WAC: variants seen among roughly 807,000 people sequenced by gnomAD.
WAC encodes the protein WW domain-containing adapter protein with coiled-coil.
In WAC, 11 loss-of-function variants were observed where a neutral mutation model predicts 79.6. The ratio of observed to expected loss-of-function variants is 0.14; its 90% confidence interval spans 0.09 to 0.23. The LOEUF is 0.23. Among genes scored for constraint, WAC ranks in the 10% least tolerant of loss-of-function variants. The pLI, the probability that WAC is intolerant of heterozygous loss-of-function variation, is 1.00. For synonymous variants in WAC, 304 were observed against 276.9 expected (o/e 1.10, Z -0.97); for missense variants, 728 against 773.5 (o/e 0.94, Z 0.70).
At chr10:28,593,719 T>C (rs965730839) in intron 6 of WAC, among the ~76,000 whole-genome samples, 1 of 137,796 alleles carries the variant, frequency 7.3e-6, no homozygotes, top group African/African-American at 2.9e-5. Flanking sequence ...TGCACTCCAG[T>C]GAGACTCTCT....
intron 2 of WAC, among the ~76,000 whole-genome samples, chr10:28,534,585 AATC>A (rs1836512365): frequency 6.6e-6 from 1 of 152,346 alleles, no homozygotes; most frequent in East Asian, 1.9e-4. Flanking sequence ...GTACTTGGAT[AATC>A]ATTCTGATGT....
At chr10:28,611,947 G>A (rs772763682) in intron 10 of WAC, 25 bp downstream of exon 10, 26 of 1,597,862 alleles carry the variant, frequency 1.6e-5, no homozygotes, top group East Asian at 1.3e-4. Context: ...AGGGACATTC[G>A]GAAAAGAAAC....
At chr10:28,595,697 A>AT in intron 6 of WAC, 36 bp from the exon 7 acceptor site, 1 of 1,589,392 alleles carries the variant, frequency 6.3e-7, no homozygotes. Flanking sequence ...CCCTTCTGTC[A>AT]TTCCAACATC....
intron 2 of WAC, 151 bp from the exon 3 acceptor site, chr10:28,535,411 A>C: frequency 1.1e-6 from 1 of 929,572 alleles, no homozygotes; most frequent in Non-Finnish European, 1.5e-6. Context: ...TTGTCTGAGA[A>C]ACTTTAAAGA....
In WAC at chr10:28,616,190, C is replaced by T; in HGVS notation, c.1574C>T (p.Ser525Leu). Residue 525 changes from serine (S) to leucine (L), a missense_variant, in exon 12 of 14, where the codon TCA (serine) becomes TTA (leucine). Ser to Leu is a moderately radical substitution (Grantham distance 145). Coordinates refer to ENST00000354911, the MANE Select transcript of WAC (RefSeq NM_016628.5). Reference sequence around the variant, plus strand: ...TTTTCTAGTAGCCAGAGAAGTCCATCACCTGGTCCCAATCATACTTCTAAT... The same window carrying T: ...TTTTCTAGTAGCCAGAGAAGTCCATTACCTGGTCCCAATCATACTTCTAAT... ...LQRSSSQRSP[S>L]PGPNHTSNSS... is the part of the protein sequence containing the mutation. The T allele has an allele frequency of 6.2e-7, 1 of 1,600,842 alleles. No individual in the cohort carries two copies. Among genetic ancestry groups the T allele is most frequent in the Non-Finnish European group, 8.5e-7 (1 of 1,171,544 alleles).
At chr10:28,596,172 G>A (rs1840353754) in intron 7 of WAC, 131 bp downstream of exon 7, 1 of 990,778 alleles carries the variant, frequency 1.0e-6, no homozygotes, top group East Asian at 2.7e-5. Flanking sequence ...GAATGTTTCT[G>A]TGTAGAGTTA....
chr10:28,579,105 T>C (rs1213402329), intron 3 of WAC, among the ~76,000 whole-genome samples: 2 of 152,166 alleles, frequency 1.3e-5, no homozygotes, highest in African/African-American at 4.8e-5. Context: ...GAGGTTGGTT[T>C]AAATGTACAA....
At chr10:28,597,277 A>C (rs1840426870) in intron 7 of WAC, among the ~76,000 whole-genome samples, 1 of 152,194 alleles carries the variant, frequency 6.6e-6, no homozygotes, top group Non-Finnish European at 1.5e-5. Context: ...ATATTGAGAG[A>C]TGAAATCTGA....
At chr10:28,548,154 C>T (rs560654561) in intron 3 of WAC, among the ~76,000 whole-genome samples, 4 of 151,908 alleles carry the variant, frequency 2.6e-5, no homozygotes, top group Non-Finnish European at 5.9e-5. Context: ...AACTCCTTAC[C>T]TCAGGTGATC....
intron 3 of WAC, among the ~76,000 whole-genome samples, chr10:28,543,507 A>G (rs1363977393): frequency 6.6e-6 from 1 of 152,236 alleles, no homozygotes; most frequent in Non-Finnish European, 1.5e-5. Flanking sequence ...CATGTGAATG[A>G]TGGTTATTGA....
chr10:28,580,395 A>C (rs1839472765), intron 3 of WAC, among the ~76,000 whole-genome samples: 1 of 152,234 alleles, frequency 6.6e-6, no homozygotes, highest in Non-Finnish European at 1.5e-5. Flanking sequence ...GAGAGAGGTC[A>C]ATAGACCTCA....
chr10:28,613,234 G>A (rs1217232112), intron 10 of WAC, among the ~76,000 whole-genome samples: 2 of 152,214 alleles, frequency 1.3e-5, no homozygotes, highest in East Asian at 3.8e-4. Flanking sequence ...GGGTGTGCTG[G>A]CACAGACCTA....
In WAC at chr10:28,608,248, T is replaced by A; in HGVS notation, c.982T>A (p.Ser328Thr). The change falls in exon 8 of 14, where the codon TCT becomes ACT. Residue 328 changes from serine to threonine, a missense_variant. Physicochemically the swap from Ser to Thr is moderately conservative, Grantham distance 58. Around this residue, in one of 3 missense-constraint regions of WAC, gnomAD observed 648 missense variants for 661.5 expected, o/e 0.98. Transcript: ENST00000354911. The part of the protein sequence containing the change: ...SCTTPSTSSA[S>T]GLNPTSAPPT... ...CACAACTCCTTCCACGTCTTCTGCC[T>A]CTGGACTGAACCCCACATCTGCACC... is the stretch of plus-strand genomic sequence containing the variant. 1.9e-6 allele frequency: 3 copies of A among 1,614,190 alleles called. No individual in the cohort carries two copies. In the South Asian group the frequency reaches 3.3e-5, roughly 18 times the overall value.
At chr10:28,562,707 C>G (rs1009322811) in intron 3 of WAC, among the ~76,000 whole-genome samples, 1 of 152,164 alleles carries the variant, frequency 6.6e-6, no homozygotes, top group Non-Finnish European at 1.5e-5. Flanking sequence ...AAACTAATTA[C>G]ATTATGGCTA....
chr10:28,579,171 T>A (rs1001020890), intron 3 of WAC, among the ~76,000 whole-genome samples: 3 of 150,620 alleles, frequency 2.0e-5, no homozygotes, highest in Admixed American at 6.6e-5. Flanking sequence ...CTTGGGTAGA[T>A]GAATTTTTTT....
chr10:28,541,673 C>T (rs1837059505), intron 3 of WAC, among the ~76,000 whole-genome samples: 1 of 151,914 alleles, frequency 6.6e-6, no homozygotes, highest in South Asian at 2.1e-4. Context: ...ATAGGCTGAT[C>T]AGTATTATTC....
At chr10:28,547,822 CA>C (rs1296784871) in intron 3 of WAC, among the ~76,000 whole-genome samples, 2 of 151,772 alleles carry the variant, frequency 1.3e-5, no homozygotes, top group Non-Finnish European at 2.9e-5. Flanking sequence ...TAAAACTTCA[CA>C]AATCTCACTT....
Position 28,594,857 on chromosome 10 carries a change from T to TTGAA in WAC, c.611-871_611-868dup, listed in dbSNP as rs1056384593. On this transcript the variant is annotated intron_variant, in intron 6 of 13. Coordinates refer to ENST00000354911, the MANE Select transcript of WAC (RefSeq NM_016628.5). ...AATATTGTAATTTAGATTGGACACT[T>TTGAA]TGAATGAACTTCAACATGATAGTTG... Among the ~76,000 whole-genome samples the TTGAA allele has an allele frequency of 2.0e-4, 30 of 152,356 alleles. 1 individual carries two copies. Among genetic ancestry groups the TTGAA allele is most frequent in the Non-Finnish European group, 3.7e-4 (25 of 68,028 alleles).
chr10:28,602,412 G>A (rs1402300863), intron 7 of WAC, among the ~76,000 whole-genome samples: 6 of 152,142 alleles, frequency 3.9e-5, no homozygotes, highest in Admixed American at 3.3e-4. Flanking sequence ...ACAGATTTAG[G>A]TGTTGTCACC....
Sources: gnomAD v4.1 joint callset for allele counts (sites outside exome capture counted in the v4.1 genomes callset) on GRCh38, gnomAD v4.1.1 for gene constraint, gnomAD v4.1.1 regional missense constraint, MANE v1.5 for transcripts, NCBI Gene and HGNC (gene_info 2026-07-23, HGNC 2026-07-21) for gene names.